The following CSMD3 variants were observed in gnomAD, a reference collection of about 807,000 sequenced individuals.
The protein encoded by CSMD3 is CUB and Sushi multiple domains 3.
Under a neutral mutation model 435.2 loss-of-function variants are expected in CSMD3, and 177 were observed. The ratio of observed to expected loss-of-function variants is 0.41; its 90% CI spans 0.36 to 0.46. The LOEUF is 0.46. Among genes scored for constraint, CSMD3 ranks in the 20% least tolerant of loss-of-function variants. CSMD3 has a pLI of 0.34. For synonymous variants in CSMD3, 1,656 were observed against 1,520.5 expected (o/e 1.09, Z -2.07); for missense variants, 4,265 against 4,504.6 (o/e 0.95, Z 1.52).
At chr8:112,266,276 CTT>C (rs1554621768) in intron 59 of CSMD3, among the ~76,000 whole-genome samples, 1 of 152,166 alleles carries the variant, frequency 6.6e-6, no homozygotes, top group Admixed American at 6.5e-5. Context: ...GTGAACCTCT[CTT>C]TACTGATGAC....
chr8:112,679,360 G>T (rs777254804), intron 16 of CSMD3, among the ~76,000 whole-genome samples: 15 of 152,216 alleles, frequency 9.9e-5, no homozygotes, highest in East Asian at 1.9e-4. Flanking sequence ...GCCCACTCCA[G>T]TTCTGCCTTC....
chr8:112,590,205 C>T (rs547504239), intron 22 of CSMD3, among the ~76,000 whole-genome samples: 2 of 152,120 alleles, frequency 1.3e-5, no homozygotes, highest in African/African-American at 2.4e-5. Flanking sequence ...GTTGAAGCTC[C>T]TATGGGACCT....
chr8:113,124,354 T>A (rs553306850), intron 4 of CSMD3, among the ~76,000 whole-genome samples: 52 of 152,040 alleles, frequency 3.4e-4, no homozygotes, highest in African/African-American at 1.2e-3. Context: ...TAGGCACAAC[T>A]ATTTTTCGGC....
intron 4 of CSMD3, among the ~76,000 whole-genome samples, chr8:113,164,091 G>A (rs1041277962): frequency 1.1e-4 from 16 of 151,928 alleles, no homozygotes; most frequent in African/African-American, 3.6e-4. Context: ...TGTTTAGGGT[G>A]TAAGAAAAAT....
At chr8:113,112,123 T>C (rs181081222) in intron 4 of CSMD3, among the ~76,000 whole-genome samples, 231 of 152,140 alleles carry the variant, frequency 1.5e-3, no homozygotes, top group African/African-American at 5.3e-3. Context: ...CAGTATATAA[T>C]CTTTTGGGGT....
chr8:113,408,085 C>A (rs1166547119), intron 1 of CSMD3, among the ~76,000 whole-genome samples: 9 of 152,032 alleles, frequency 5.9e-5, no homozygotes, highest in African/African-American at 2.2e-4. Flanking sequence ...CTTTAGAAAT[C>A]CCATAGAGAT....
chr8:112,739,284 A>G (rs1337093345), intron 13 of CSMD3, among the ~76,000 whole-genome samples: 1 of 151,720 alleles, frequency 6.6e-6, no homozygotes, highest in Non-Finnish European at 1.5e-5. Flanking sequence ...GCTTTCATAT[A>G]TAATTTTCTG....
chr8:112,668,101 A>G lies in CSMD3; in HGVS notation c.2678-1686T>C, dbSNP rs1308984459. ...AAAAGATGTTATTTGTATGACAGAG[A>G]ACTCTCATAAAAACTAAGTTTTCTT... On this transcript the variant is annotated intron_variant, in intron 16 of 70. Transcript: ENST00000297405. 3.3e-5 allele frequency among the ~76,000 whole-genome samples: 5 copies of G among 152,270 alleles called. No homozygotes were observed. The East Asian group carries it at 7.7e-4, about 24-fold the overall frequency.
chr8:112,255,339 G>A lies in CSMD3; in HGVS notation c.9951C>T (p.Cys3317=), dbSNP rs553576420. 3 of 1,613,522 alleles carry A rather than the reference G, an allele frequency of 1.9e-6. No homozygotes were observed. In the African/African-American group the frequency reaches 4.0e-5, roughly 22 times the overall value. The change falls in exon 62 of 71, where the codon TGC becomes TGT. Residue 3317 remains cysteine, a synonymous_variant. Coordinates refer to ENST00000297405, the MANE Select transcript of CSMD3 (RefSeq NM_198123.2). The part of the protein sequence containing the change: ...FIYQSEVSFS[C]NFPFILVGSS... ...ATCCCACTAATATGAAAGGAAAATT[G>A]CAGCTGAATGAAACCTCTGACTGGT...
rs143472272 is a variant in CSMD3 at position 112,686,633 on chromosome 8, C to T, written c.2156-901G>A. Among the ~76,000 whole-genome samples, 1,378 of 151,788 alleles carry T rather than the reference C, an allele frequency of 9.1e-3. 19 individuals carry two copies. The highest frequency in any genetic ancestry group is 0.031 in the African/African-American group (1,302 of 41,400). On this transcript the variant is annotated intron_variant, in intron 14 of 70. Transcript: ENST00000297405. ...TCCGGAGTAGCTGGGAATACAGGCA[C>T]GCCCACCACGCCCAGCTAATTTTTG...
At chr8:112,847,321 T>G (rs556941390) in intron 11 of CSMD3, among the ~76,000 whole-genome samples, 1 of 152,244 alleles carries the variant, frequency 6.6e-6, no homozygotes, top group Admixed American at 6.5e-5. Context: ...AGGAGCCCAC[T>G]TGGTCCACAC....
intron 5 of CSMD3, among the ~76,000 whole-genome samples, chr8:113,024,921 C>T (rs949656856): frequency 4.6e-5 from 7 of 152,196 alleles, no homozygotes; most frequent in East Asian, 3.9e-4. Context: ...TATCATTCCA[C>T]GCTCTACCTC....
chr8:112,937,731 T>C (rs893628486), intron 9 of CSMD3, among the ~76,000 whole-genome samples: 1 of 152,072 alleles, frequency 6.6e-6, no homozygotes, highest in Admixed American at 6.6e-5. Context: ...AAATAGTAAT[T>C]GCAAAGACCA....
intron 4 of CSMD3, among the ~76,000 whole-genome samples, chr8:113,115,646 G>A (rs2090800181): frequency 6.6e-6 from 1 of 152,088 alleles, no homozygotes; most frequent in Non-Finnish European, 1.5e-5. Context: ...AATTTTCACT[G>A]TTTGACAGTG....
At chr8:112,659,931 C>A (rs2075340976) in intron 17 of CSMD3, among the ~76,000 whole-genome samples, 1 of 151,864 alleles carries the variant, frequency 6.6e-6, no homozygotes, top group Admixed American at 6.6e-5. Flanking sequence ...TCATTTTCTC[C>A]ATTTGAGAAT....
At chr8:112,378,564 G>T (rs1370312018) in intron 38 of CSMD3, among the ~76,000 whole-genome samples, 1 of 152,154 alleles carries the variant, frequency 6.6e-6, no homozygotes, top group African/African-American at 2.4e-5. Context: ...GCCAGGCATA[G>T]AAAAGGGATA....
rs530961732 is a variant in CSMD3 at position 112,903,483 on chromosome 8, C to T, written c.1633+18144G>A. The stretch of plus-strand genomic sequence containing the variant: ...ATGGGACACACTAATTTCATGGTGG[C>T]GAAGGGGGATCAACAACCCTGGCAT... On this transcript the variant is annotated intron_variant, in intron 10 of 70. Transcript: ENST00000297405. 5.3e-5 allele frequency among the ~76,000 whole-genome samples: 8 copies of T among 151,060 alleles called. No individual in the cohort carries two copies. The South Asian group carries it at 1.3e-3, about 24-fold the overall frequency.
chr8:112,552,177 TA>T (rs1479197362), intron 26 of CSMD3, among the ~76,000 whole-genome samples: 2 of 152,050 alleles, frequency 1.3e-5, no homozygotes, highest in African/African-American at 4.8e-5. Context: ...TGCACTAGGG[TA>T]ATAATTTGCA....
chr8:112,626,714 G>A (rs549547139), intron 22 of CSMD3, among the ~76,000 whole-genome samples: 103 of 151,912 alleles, frequency 6.8e-4, no homozygotes, highest in African/African-American at 2.4e-3. Context: ...TATAAGCAGC[G>A]TTATCATTTA....
Sources: allele counts gnomAD v4.1 joint callset (sites outside exome capture counted in the v4.1 genomes callset), GRCh38; gene constraint gnomAD v4.1.1; transcripts MANE v1.5; gene names NCBI Gene and HGNC (gene_info 2026-07-23, HGNC 2026-07-21).